Variants in ROR1 observed in about 807,000 individuals in gnomAD.
The protein encoded by ROR1 is ROR family WNT receptor 1.
In ROR1, 19 loss-of-function variants were observed where a neutral mutation model predicts 78.8. That is an observed-to-expected ratio of 0.24 (90% CI 0.17 to 0.35). The LOEUF (loss-of-function observed/expected upper bound fraction) is 0.35. Ranked by LOEUF, ROR1 falls within the 10% of genes least tolerant of loss-of-function variation. The pLI is 1.00. For missense variants in ROR1, 917 were observed against 1,177.8 expected, an observed-to-expected ratio of 0.78 and a Z score of 3.24; for synonymous variants, 386 against 433.6, an observed-to-expected ratio of 0.89 and a Z score of 1.36.
chr1:64,073,832 A>G (rs1175695579), intron 4 of ROR1, among the ~76,000 whole-genome samples: 1 of 151,620 alleles, frequency 6.6e-6, no homozygotes, highest in African/African-American at 2.4e-5. Context: ...ATGTGTGGGA[A>G]AGGAAAAAAA....
At chr1:63,877,210 T>A (rs1645293019) in intron 1 of ROR1, among the ~76,000 whole-genome samples, 1 of 152,098 alleles carries the variant, frequency 6.6e-6, no homozygotes. Context: ...TTGCCCAGAG[T>A]TGAAAGAAAA....
intron 1 of ROR1, among the ~76,000 whole-genome samples, chr1:63,817,950 G>A (rs969754324): frequency 2.4e-4 from 36 of 152,296 alleles, no homozygotes; most frequent in Non-Finnish European, 4.1e-4. Context: ...GGAACCCACT[G>A]TAGTAACTGA....
rs1449676965 is a variant in ROR1, at chr1:63,802,625, G to C, written c.91+28117G>C. On this transcript the variant is annotated intron_variant, in intron 1 of 8. Coordinates refer to ENST00000371079, the MANE Select transcript of ROR1 (RefSeq NM_005012.4). ...AGCCAGATCTCTACCCTCTCTTCTC[G>C]ATTGCCTCTTTTCTTGCTGTTTTGA... is the stretch of plus-strand genomic sequence containing the variant. Among the ~76,000 whole-genome samples the C allele has an allele frequency of 3.3e-5, 5 of 152,118 alleles. No homozygotes were observed. The South Asian group carries it at 1.0e-3, about 31-fold the overall frequency.
At chr1:64,177,352 C>T (rs757647552) in intron 8 of ROR1, 76 bp from the exon 9 acceptor site, 20 of 1,065,378 alleles carry the variant, frequency 1.9e-5, no homozygotes, top group Admixed American at 1.1e-4. Context: ...CTATATGCCC[C>T]GTCCCTCCTT....
intron 1 of ROR1, among the ~76,000 whole-genome samples, chr1:63,946,483 T>C (rs540877404): frequency 6.6e-6 from 1 of 152,320 alleles, no homozygotes; most frequent in East Asian, 1.9e-4. Context: ...GTACAACATA[T>C]GTTTTGATAT....
At chr1:63,955,900 A>G (rs148414040) in intron 1 of ROR1, among the ~76,000 whole-genome samples, 2,145 of 152,306 alleles carry the variant, frequency 0.014, 42 homozygotes, top group Non-Finnish European at 0.017. Context: ...TCTGAGTCCT[A>G]GGCCTTTGTG....
intron 1 of ROR1, among the ~76,000 whole-genome samples, chr1:63,882,639 G>A (rs1222745955): frequency 6.6e-5 from 10 of 152,128 alleles, no homozygotes; most frequent in Admixed American, 6.5e-4. Context: ...AGAATATTTA[G>A]CCTGGCAATA....
intron 1 of ROR1, among the ~76,000 whole-genome samples, chr1:63,881,277 A>G (rs555189657): frequency 8.5e-5 from 13 of 152,292 alleles, no homozygotes; most frequent in Admixed American, 4.6e-4. Flanking sequence ...ATGGGAAAAC[A>G]ATCCTCATGA....
At chr1:64,082,509 T>G (rs1211540618) in intron 4 of ROR1, among the ~76,000 whole-genome samples, 1 of 152,148 alleles carries the variant, frequency 6.6e-6, no homozygotes, top group East Asian at 1.9e-4. Flanking sequence ...TGAGTTGGGT[T>G]TGAGATCTCT....
chr1:64,093,021 C>T (rs1016432060), intron 4 of ROR1, among the ~76,000 whole-genome samples: 1 of 152,192 alleles, frequency 6.6e-6, no homozygotes, highest in African/African-American at 2.4e-5. Flanking sequence ...CCACTTAGGA[C>T]AGCTTTGGGC....
intron 1 of ROR1, among the ~76,000 whole-genome samples, chr1:63,819,013 C>A (rs575404253): frequency 6.6e-6 from 1 of 151,962 alleles, no homozygotes; most frequent in Non-Finnish European, 1.5e-5. Flanking sequence ...TTGCTAAAGC[C>A]CTGGAAATTG....
At position 64,127,849 on chromosome 1, in the gene ROR1, A is replaced by C. The variant is rs562057391; in HGVS notation, c.483-9520A>C. Reference sequence around the variant, plus strand: ...GCTTCCAATCTCATACAGGCATTCTAATAACAAGTATTCACTTACTGTGGA... The same window carrying C: ...GCTTCCAATCTCATACAGGCATTCTCATAACAAGTATTCACTTACTGTGGA... On this transcript the variant is annotated intron_variant, in intron 4 of 8. Transcript: ENST00000371079. 3.0e-4 allele frequency among the ~76,000 whole-genome samples: 45 copies of C among 152,310 alleles called. 1 individual carries two copies. Among genetic ancestry groups the C allele is most frequent in the African/African-American group, 1.1e-3 (44 of 41,588 alleles).
chr1:63,951,713 C>A (rs1246061518), intron 1 of ROR1, among the ~76,000 whole-genome samples: 1 of 152,138 alleles, frequency 6.6e-6, no homozygotes, highest in South Asian at 2.1e-4. Flanking sequence ...AAGACACCCC[C>A]CCCTCACCAC....
chr1:63,850,534 T>C (rs891112730), intron 1 of ROR1, among the ~76,000 whole-genome samples: 2 of 150,338 alleles, frequency 1.3e-5, no homozygotes, highest in Non-Finnish European at 1.5e-5. Flanking sequence ...ATATTGGAAG[T>C]ATTTTTAGAT....
At chr1:63,878,286 T>C (rs1381917741) in intron 1 of ROR1, among the ~76,000 whole-genome samples, 1 of 152,156 alleles carries the variant, frequency 6.6e-6, no homozygotes. Flanking sequence ...TATCCCTGAG[T>C]ATTTGCAAGC....
At chr1:63,899,725 G>C (rs1645470303) in intron 1 of ROR1, among the ~76,000 whole-genome samples, 1 of 151,764 alleles carries the variant, frequency 6.6e-6, no homozygotes, top group Admixed American at 6.6e-5. Flanking sequence ...AAAAGGAAAT[G>C]TTCTTTGCTC....
chr1:63,799,984 A>C (rs766391578), intron 1 of ROR1, among the ~76,000 whole-genome samples: 5 of 152,236 alleles, frequency 3.3e-5, no homozygotes, highest in Admixed American at 6.5e-5. Flanking sequence ...GAAAATCAGT[A>C]TAAAATGCTT....
At chr1:63,931,395 C>T (rs1645751544) in intron 1 of ROR1, among the ~76,000 whole-genome samples, 3 of 152,082 alleles carry the variant, frequency 2.0e-5, no homozygotes, top group South Asian at 4.2e-4. Context: ...AAAATGGGTT[C>T]GAATCCCAGC....
intron 7 of ROR1, among the ~76,000 whole-genome samples, chr1:64,143,819 G>A (rs1320700707): frequency 2.0e-5 from 3 of 152,184 alleles, no homozygotes; most frequent in Non-Finnish European, 4.4e-5. Context: ...ATGTAAAGCT[G>A]TGTAGGCCAT....
Sources: gnomAD v4.1 joint callset for allele counts (sites outside exome capture counted in the v4.1 genomes callset) on GRCh38, gnomAD v4.1.1 for gene constraint, MANE v1.5 for transcripts, NCBI Gene and HGNC (gene_info 2026-07-23, HGNC 2026-07-21) for gene names.